PTPRT: variants seen among roughly 807,000 people sequenced by gnomAD.
PTPRT encodes the protein protein tyrosine phosphatase receptor type T.
PTPRT carries 56 observed loss-of-function variants against 176.8 expected under a neutral mutation model. The observed-to-expected ratio is 0.32, with a 90% confidence interval of 0.26 to 0.40. The LOEUF (loss-of-function observed/expected upper bound fraction) is 0.40. Among genes scored for constraint, PTPRT ranks in the 10% least tolerant of loss-of-function variants. PTPRT has a pLI of 1.00. For synonymous variants in PTPRT, 783 were observed against 739.0 expected (o/e 1.06, Z -0.96); for missense variants, 1,540 against 1,908.2 (o/e 0.81, Z 3.60).
chr20:42,290,276 AT>A (rs2057297381), intron 12 of PTPRT, among the ~76,000 whole-genome samples: 1 of 152,036 alleles, frequency 6.6e-6, no homozygotes. Flanking sequence ...TTTCCTTATC[AT>A]TTTAATCTCA....
Position 43,185,880 on chromosome 20 carries a change from C to T in PTPRT, c.88+3766G>A, listed in dbSNP as rs571710214. Among the ~76,000 whole-genome samples the T allele has an allele frequency of 1.2e-3, 186 of 151,778 alleles. 1 individual carries two copies. The highest frequency in any genetic ancestry group is 0.012 in the Admixed American group (184 of 15,244). ...CCAGGAGGCAGAGGTTGCGGTGAGC[C>T]AAGACTGCACCACTGCACTCCAGCC... On this transcript the variant is annotated intron_variant, in intron 1 of 30. Transcript: ENST00000373187.
At chr20:42,689,073 G>T (rs1213323206) in intron 6 of PTPRT, among the ~76,000 whole-genome samples, 1 of 152,136 alleles carries the variant, frequency 6.6e-6, no homozygotes, top group Non-Finnish European at 1.5e-5. Context: ...TGGTTCCCCA[G>T]TAAGGGCCCC....
intron 6 of PTPRT, among the ~76,000 whole-genome samples, chr20:42,717,436 G>A (rs538019782): frequency 1.3e-4 from 20 of 152,176 alleles, no homozygotes; most frequent in African/African-American, 4.1e-4. Context: ...CAAGAGTCCT[G>A]GGTCAACTGA....
chr20:42,827,239 C>T (rs1309300096), intron 2 of PTPRT, among the ~76,000 whole-genome samples: 1 of 152,146 alleles, frequency 6.6e-6, no homozygotes, highest in Non-Finnish European at 1.5e-5. Flanking sequence ...TACCCCAAAA[C>T]AACAGAATAT....
At chr20:43,029,427 A>C (rs1986045727) in intron 1 of PTPRT, among the ~76,000 whole-genome samples, 1 of 152,178 alleles carries the variant, frequency 6.6e-6, no homozygotes, top group Non-Finnish European at 1.5e-5. Context: ...TCACGCCACA[A>C]ATGGCAGCTT....
the PTPRT span, among the ~76,000 whole-genome samples, chr20:42,059,311 G>T: frequency 1.3e-5 from 2 of 152,188 alleles, no homozygotes; most frequent in Non-Finnish European, 2.9e-5. Flanking sequence ...CAGCAAGAGG[G>T]CCTGTGGCCT....
intron 1 of PTPRT, among the ~76,000 whole-genome samples, chr20:42,948,645 C>G (rs206654): frequency 0.089 from 13,485 of 152,104 alleles, 1,788 homozygotes; most frequent in African/African-American, 0.29. Context: ...AGAGATAAGA[C>G]AGAGAGAGAG....
chr20:42,694,577 T>C (rs1278016782), intron 6 of PTPRT, among the ~76,000 whole-genome samples: 2 of 152,286 alleles, frequency 1.3e-5, no homozygotes, highest in Non-Finnish European at 2.9e-5. Flanking sequence ...TGGAGTTCAA[T>C]CTCTGGGTCA....
chr20:42,161,958 GC>G (rs35573390), intron 16 of PTPRT, among the ~76,000 whole-genome samples: 8,877 of 152,226 alleles, frequency 0.058, 351 homozygotes, highest in South Asian at 0.092. Flanking sequence ...GCCTCAGGTG[GC>G]CTCAGGTACT....
At chr20:42,586,440 C>A (rs1052178008) in intron 7 of PTPRT, among the ~76,000 whole-genome samples, 6 of 152,280 alleles carry the variant, frequency 3.9e-5, no homozygotes, top group African/African-American at 1.4e-4. Context: ...TCTACCCCTG[C>A]TGTGGGGAAG....
rs1196212355 is a variant in PTPRT at position 42,775,494 on chromosome 20, C to T, written c.569-3944G>A. 1.1e-4 allele frequency among the ~76,000 whole-genome samples: 17 copies of T among 152,160 alleles called. 1 individual carries two copies. Among genetic ancestry groups the T allele is most frequent in the Admixed American group, 1.1e-3 (17 of 15,278 alleles). ...TTACACAGTTATAACTGCCTTGGCC[C>T]TGCTAATGGCTAACACTGAGAAACA... is the stretch of plus-strand genomic sequence containing the variant. On this transcript the variant is annotated intron_variant, in intron 4 of 30. Transcript: ENST00000373187.
chr20:42,545,151 C>T (rs1278779979), intron 7 of PTPRT, among the ~76,000 whole-genome samples: 2 of 152,162 alleles, frequency 1.3e-5, no homozygotes, highest in African/African-American at 4.8e-5. Flanking sequence ...TCAGACCAGG[C>T]CCCGTTAAGG....
At chr20:42,379,434 C>T (rs1234269434) in intron 9 of PTPRT, among the ~76,000 whole-genome samples, 1 of 152,210 alleles carries the variant, frequency 6.6e-6, no homozygotes, top group Non-Finnish European at 1.5e-5. Context: ...ATAACTATGA[C>T]ACCCTAATCA....
intron 1 of PTPRT, among the ~76,000 whole-genome samples, chr20:42,990,249 G>A (rs1568720620): frequency 6.6e-6 from 1 of 152,150 alleles, no homozygotes; most frequent in African/African-American, 2.4e-5. Context: ...GTTTTATTGG[G>A]AAAAAATCTA....
chr20:42,980,307 G>A (rs2146084545), intron 1 of PTPRT, among the ~76,000 whole-genome samples: 1 of 152,286 alleles, frequency 6.6e-6, no homozygotes, highest in African/African-American at 2.4e-5. Context: ...GGAGCCTGGG[G>A]TACAAACATA....
intron 6 of PTPRT, among the ~76,000 whole-genome samples, chr20:42,730,579 A>G (rs1202436990): frequency 6.6e-6 from 1 of 152,174 alleles, no homozygotes; most frequent in East Asian, 1.9e-4. Flanking sequence ...ATGTCTGAGG[A>G]AGATCAGAAA....
At chr20:42,796,972 T>C (rs6130219) in intron 2 of PTPRT, among the ~76,000 whole-genome samples, 63,078 of 152,146 alleles carry the variant, frequency 0.41, 15,341 homozygotes, top group Non-Finnish European at 0.54. Context: ...CCATGAGGAT[T>C]AATACAACTA....
At chr20:42,624,539 A>C (rs909286629) in intron 7 of PTPRT, among the ~76,000 whole-genome samples, 6 of 152,204 alleles carry the variant, frequency 3.9e-5, no homozygotes, top group African/African-American at 1.4e-4. Flanking sequence ...CTTTGGGAGA[A>C]GTGTGTCAAA....
chr20:42,612,319 C>T (rs1170520649), intron 7 of PTPRT, among the ~76,000 whole-genome samples: 1 of 152,188 alleles, frequency 6.6e-6, no homozygotes, highest in Non-Finnish European at 1.5e-5. Flanking sequence ...TCAGCAAGAA[C>T]AGTTTACAAA....
Sources: gnomAD v4.1 joint callset for allele counts (sites outside exome capture counted in the v4.1 genomes callset) on GRCh38, gnomAD v4.1.1 for gene constraint, MANE v1.5 for transcripts, NCBI Gene and HGNC (gene_info 2026-07-23, HGNC 2026-07-21) for gene names.